LATS1: variants seen among roughly 807,000 people sequenced by gnomAD.
LATS1 encodes the protein serine/threonine-protein kinase LATS1.
Under a neutral mutation model 106.6 loss-of-function variants are expected in LATS1, and 25 were observed. The ratio of observed to expected loss-of-function variants is 0.23; its 90% confidence interval spans 0.17 to 0.33. LATS1 has a LOEUF of 0.33. LATS1 is among the 10% of genes least tolerant of loss of function. LATS1 has a pLI of 1.00. For missense variants in LATS1, 1,040 were observed against 1,382.6 expected (o/e 0.75, Z 3.93); for synonymous variants, 465 against 455.6 (o/e 1.02, Z -0.26).
chr6:149,663,585 G>C (rs1325875377), intron 7 of LATS1, among the ~76,000 whole-genome samples: 2 of 152,120 alleles, frequency 1.3e-5, no homozygotes, highest in Admixed American at 6.6e-5. Context: ...AGAGGAGCTA[G>C]TCAGCTACTA....
chr6:149,691,549 C>T (rs981565004), intron 3 of LATS1, among the ~76,000 whole-genome samples: 3 of 152,148 alleles, frequency 2.0e-5, no homozygotes, highest in Non-Finnish European at 4.4e-5. Context: ...ATTCCCTCCC[C>T]TTCTTGAAAC....
intron 1 of LATS1, among the ~76,000 whole-genome samples, chr6:149,706,010 C>T (rs1241571202): frequency 6.6e-6 from 1 of 150,840 alleles, no homozygotes; most frequent in African/African-American, 2.4e-5. Flanking sequence ...ATGGAGAAAC[C>T]CCGTCTCTAC....
chr6:149,659,313 C>G lies in LATS1; in HGVS notation c.*2416G>C, dbSNP rs1780805907. On this transcript the variant is annotated 3_prime_UTR_variant, in exon 8 of 8. Coordinates refer to ENST00000543571, the MANE Select transcript of LATS1 (RefSeq NM_004690.4). ...CGAAACCCCATCTCTACTAAAGATA[C>G]AAAAATTAGCTGGGCTTGGTGGCGC... 5.3e-6 allele frequency: 1 copy of G among 189,394 alleles called. No individual in the cohort carries two copies. The highest frequency in any genetic ancestry group is 1.1e-5 in the Non-Finnish European group (1 of 89,958). 11.7% of individuals were successfully genotyped at this position (189,394 alleles called of 1,614,324 possible). A position where few individuals can be genotyped will look rare whatever the true frequency, so the allele number is the denominator to read the frequency against.
At chr6:149,682,557 G>A (rs1294781071) in intron 4 of LATS1, among the ~76,000 whole-genome samples, 2 of 151,700 alleles carry the variant, frequency 1.3e-5, no homozygotes, top group African/African-American at 4.8e-5. Context: ...GACTACAGGC[G>A]CCCGCCACCA....
At chr6:149,710,553 C>T (rs745314996) in intron 1 of LATS1, among the ~76,000 whole-genome samples, 5 of 152,090 alleles carry the variant, frequency 3.3e-5, no homozygotes, top group Non-Finnish European at 7.3e-5. Context: ...AAAACTGGTA[C>T]CTGGAAGTGA....
chr6:149,680,636 G>C (rs1394882065), intron 4 of LATS1, among the ~76,000 whole-genome samples, 179 bp from the exon 5 acceptor site: 1 of 151,768 alleles, frequency 6.6e-6, no homozygotes, highest in Non-Finnish European at 1.5e-5. Context: ...GCAGCCTAAG[G>C]GGTAGTTAAA....
intron 1 of LATS1, among the ~76,000 whole-genome samples, chr6:149,708,414 C>CAA (rs58138010): frequency 1.1e-4 from 11 of 104,208 alleles, no homozygotes; most frequent in South Asian, 3.1e-4. Flanking sequence ...GACTGGATCT[C>CAA]AAAAAAAAAA....
chr6:149,692,575 T>C (rs867533220), intron 3 of LATS1, among the ~76,000 whole-genome samples: 1 of 152,118 alleles, frequency 6.6e-6, no homozygotes, highest in South Asian at 2.1e-4. Flanking sequence ...ACTTACCCAA[T>C]GCAGAACAAA....
rs551989740 is a variant in LATS1 at position 149,659,099 on chromosome 6, T to C, written c.*2630A>G. ...GATAAGTATATCCAAACTGTTAAAA[T>C]TGCTGATACCAAAGGCATGTATACT... On this transcript the variant is annotated 3_prime_UTR_variant, in exon 8 of 8. Coordinates refer to ENST00000543571, the MANE Select transcript of LATS1 (RefSeq NM_004690.4). The C allele has an allele frequency of 3.7e-4, 59 of 158,238 alleles. No individual in the cohort carries two copies. Among genetic ancestry groups the C allele is most frequent in the African/African-American group, 1.2e-3 (50 of 41,726 alleles). The allele number at this position is 158,238 out of a possible 1,614,324, so 9.8% of individuals were successfully genotyped here. A position where few individuals can be genotyped will look rare whatever the true frequency, so the allele number is the denominator to read the frequency against.
At chr6:149,694,681 T>C (rs1782960357) in intron 3 of LATS1, among the ~76,000 whole-genome samples, 1 of 152,180 alleles carries the variant, frequency 6.6e-6, no homozygotes, top group Non-Finnish European at 1.5e-5. Context: ...CACCAAAATA[T>C]TGTTATTAAC....
In LATS1 at chr6:149,678,497, C is replaced by T. The variant is rs1781856972; in HGVS notation, c.2593+1378G>A. ...GTCGAATCTGGGAAGACACTAAATT[C>T]CACTATGTCGAACATTAAAGTAGGT... On this transcript the variant is annotated intron_variant, in intron 5 of 7. Coordinates refer to ENST00000543571, the MANE Select transcript of LATS1 (RefSeq NM_004690.4). 2.0e-5 allele frequency among the ~76,000 whole-genome samples: 3 copies of T among 152,178 alleles called. No individual in the cohort carries two copies. The South Asian group carries it at 6.2e-4, about 31-fold the overall frequency.
At chr6:149,688,229 C>T (rs1782518559) in intron 3 of LATS1, among the ~76,000 whole-genome samples, 1 of 152,104 alleles carries the variant, frequency 6.6e-6, no homozygotes, top group East Asian at 1.9e-4. Flanking sequence ...CATGGTCTAT[C>T]ACTTTGTTCT....
At chr6:149,666,448 T>C (rs1181451910) in intron 7 of LATS1, among the ~76,000 whole-genome samples, 2 of 150,430 alleles carry the variant, frequency 1.3e-5, no homozygotes, top group Non-Finnish European at 1.5e-5. Context: ...AAACCCCGTC[T>C]CTACTAAAAA....
intron 1 of LATS1, among the ~76,000 whole-genome samples, chr6:149,702,710 CACCCAG>C (rs1317588302): frequency 6.6e-6 from 1 of 152,046 alleles, no homozygotes; most frequent in Non-Finnish European, 1.5e-5. Flanking sequence ...CTCACTCTGT[CACCCAG>C]ACTGGAGTGC....
chr6:149,683,409 T>C lies in LATS1; in HGVS notation c.1680A>G (p.Pro560=), dbSNP rs1448365992. 6.2e-7 allele frequency: 1 copy of C among 1,614,198 alleles called. No individual in the cohort carries two copies. Among genetic ancestry groups the C allele is most frequent in the East Asian group, 2.2e-5 (1 of 44,892 alleles). Residue 560 remains proline, a synonymous_variant, in exon 4 of 8, where the codon CCA becomes CCG. Transcript: ENST00000543571. The part of the protein sequence containing the change: ...PNYQGPPPPY[P]KHLLHQNPSV... Reference sequence around the variant, plus strand: ...ATGGGTTTTGGTGCAGCAGATGTTTTGGGTAGGGTGGTGGTGGTCCTTGAT... The same window carrying C: ...ATGGGTTTTGGTGCAGCAGATGTTTCGGGTAGGGTGGTGGTGGTCCTTGAT...
At chr6:149,691,362 G>A (rs1258204942) in intron 3 of LATS1, among the ~76,000 whole-genome samples, 1 of 152,128 alleles carries the variant, frequency 6.6e-6, no homozygotes, top group Non-Finnish European at 1.5e-5. Flanking sequence ...AACTAATCTT[G>A]GACTTCTAGT....
At chr6:149,674,649 C>T (rs1781615745) in intron 7 of LATS1, among the ~76,000 whole-genome samples, 1 of 147,890 alleles carries the variant, frequency 6.8e-6, no homozygotes, top group Admixed American at 6.7e-5. Flanking sequence ...GTTGGGATTA[C>T]AGGTGTGAAC....
chr6:149,687,955 A>G (rs1168011533), intron 3 of LATS1, among the ~76,000 whole-genome samples: 1 of 150,694 alleles, frequency 6.6e-6, no homozygotes, highest in African/African-American at 2.5e-5. Flanking sequence ...GCTCACTGCA[A>G]GCTCCGCCTC....
chr6:149,684,337 G>A lies in LATS1; in HGVS notation c.752C>T (p.Pro251Leu), dbSNP rs373418517. 2.0e-5 allele frequency: 32 copies of A among 1,613,996 alleles called. No homozygotes were observed. Among genetic ancestry groups the A allele is most frequent in the Non-Finnish European group, 2.6e-5 (31 of 1,180,004 alleles). Reference sequence around the variant, plus strand: ...TCTTGGAGGGGGAGTCTGGCCTCTTGGAGGTGGTGGAGGAGTAACACTCCT... The same window carrying A: ...TCTTGGAGGGGGAGTCTGGCCTCTTAGAGGTGGTGGAGGAGTAACACTCCT... ...QVRSVTPPPP[P>L]RGQTPPPRGT... is the part of the protein sequence containing the mutation. Residue 251 changes from proline to leucine, a missense_variant, in exon 4 of 8, where the codon CCA becomes CTA. Pro to Leu is a moderately conservative substitution (Grantham distance 98). Coordinates refer to ENST00000543571, the MANE Select transcript of LATS1 (RefSeq NM_004690.4).
Sources: allele counts gnomAD v4.1 joint callset (sites outside exome capture counted in the v4.1 genomes callset), GRCh38; gene constraint gnomAD v4.1.1; transcripts MANE v1.5; gene names NCBI Gene and HGNC (gene_info 2026-07-23, HGNC 2026-07-21).